Variants in ZNF10 observed in about 807,000 individuals in gnomAD.
ZNF10 encodes the protein zinc finger protein 10 (KOX 1).
ZNF10 carries 8 observed loss-of-function variants against 12.2 expected under a neutral mutation model. The ratio of observed to expected loss-of-function variants is 0.66; its 90% CI spans 0.39 to 1.18. The LOEUF (loss-of-function observed/expected upper bound fraction) is 1.18, where lower values mean the gene tolerates loss of function less well. ZNF10 is among the 50% of genes most tolerant of loss of function. ZNF10 has a pLI of 0.01. For synonymous variants in ZNF10, 229 were observed against 228.2 expected, an observed-to-expected ratio of 1.00 and a Z score of -0.03; for missense variants, 603 against 678.9, an observed-to-expected ratio of 0.89 and a Z score of 1.24.
intron 4 of ZNF10, 39 bp from the exon 5 acceptor site, chr12:133,155,464 A>G (rs1956033203): frequency 1.3e-6 from 2 of 1,541,402 alleles, no homozygotes; most frequent in African/African-American, 2.8e-5. Context: ...TCACCTTAAT[A>G]CTCTGTTTAG....
intron 1 of ZNF10, 43 bp from the exon 2 acceptor site, chr12:133,144,391 C>A: frequency 2.4e-6 from 3 of 1,271,628 alleles, no homozygotes; most frequent in Non-Finnish European, 3.4e-6. Flanking sequence ...AGGGAGCCTC[C>A]CAGTCATAGC....
At chr12:133,147,706 C>T (rs558854701) in intron 2 of ZNF10, among the ~76,000 whole-genome samples, 13 of 149,736 alleles carry the variant, frequency 8.7e-5, no homozygotes, top group African/African-American at 3.2e-4. Flanking sequence ...TTTGCCTTCT[C>T]CCGGATTCAA....
chr12:133,141,494 G>A (rs1955944037), intron 1 of ZNF10, among the ~76,000 whole-genome samples: 1 of 152,024 alleles, frequency 6.6e-6, no homozygotes, highest in East Asian at 1.9e-4. Context: ...GGTAAGTACA[G>A]CAATAGAAAG....
intron 2 of ZNF10, among the ~76,000 whole-genome samples, chr12:133,149,950 T>C (rs979319619): frequency 1.7e-4 from 26 of 152,202 alleles, no homozygotes; most frequent in Non-Finnish European, 3.7e-4. Flanking sequence ...CACTTAGAGT[T>C]AATTTTTACT....
chr12:133,139,490 A>C (rs1429994050), intron 1 of ZNF10, among the ~76,000 whole-genome samples: 1 of 152,200 alleles, frequency 6.6e-6, no homozygotes, highest in Non-Finnish European at 1.5e-5. Flanking sequence ...GACTTAGTCC[A>C]TTTTTCTATA....
chr12:133,132,041 T>C (rs2137635015), intron 1 of ZNF10, among the ~76,000 whole-genome samples: 1 of 152,284 alleles, frequency 6.6e-6, no homozygotes, highest in East Asian at 1.9e-4. Context: ...GAAAAGGAAA[T>C]ATATAAGCTA....
intron 2 of ZNF10, 89 bp from the exon 3 acceptor site, chr12:133,150,939 C>G (rs903103104): frequency 1.9e-5 from 29 of 1,495,736 alleles, no homozygotes; most frequent in Non-Finnish European, 2.4e-5. Flanking sequence ...CCAGTGCTGT[C>G]AGCTTAATTT....
chr12:133,143,657 T>C (rs1044926414), intron 1 of ZNF10: 1 of 152,318 alleles, frequency 6.6e-6, no homozygotes, highest in South Asian at 2.1e-4. Flanking sequence ...ATATTTAAAT[T>C]ATCTTTAAAA....
chr12:133,151,780 C>T, intron 3 of ZNF10, 29 bp from the exon 4 acceptor site: 2 of 1,588,088 alleles, frequency 1.3e-6, no homozygotes, highest in South Asian at 1.1e-5. Flanking sequence ...CTGACTCTTA[C>T]CCTGTTCTTT....
Position 133,156,873 on chromosome 12 carries a change from C to T in ZNF10, c.1627C>T (p.Gln543Ter), listed in dbSNP as rs1956045943. 1 of 1,519,918 alleles carries T rather than the reference C, an allele frequency of 6.6e-7. No homozygotes were observed. The highest frequency in any genetic ancestry group is 8.8e-7 in the Non-Finnish European group (1 of 1,136,598). The allele number at this position is 1,519,918 out of a possible 1,614,324, so 94.2% of individuals were successfully genotyped here. The change falls in exon 5 of 5, where the codon CAG becomes TAG. Residue 543 changes from glutamine to a stop codon, truncating the protein, a stop_gained. Transcript: ENST00000248211. LOFTEE classifies it low-confidence loss of function (END_TRUNC). ...TCATCAAATAGCTCACACTGGAGAGCAGTTCTTAACATGCAATCAATGTGG... is the reference window on the plus strand; with the variant it reads ...TCATCAAATAGCTCACACTGGAGAGTAGTTCTTAACATGCAATCAATGTGG... ...IVHQIAHTGE[Q>*]FLTCNQCGTA...
Position 133,156,755 on chromosome 12 carries a change from C to A in ZNF10, c.1509C>A (p.Asp503Glu). 6.2e-7 allele frequency: 1 copy of A among 1,601,842 alleles called. No homozygotes were observed. The highest frequency in any genetic ancestry group is 2.2e-5 in the East Asian group (1 of 44,816). Residue 503 changes from aspartate (D) to glutamate (E), a missense_variant, in exon 5 of 5, where the codon GAC becomes GAA. Around this residue, in one of 3 missense-constraint regions of ZNF10, gnomAD observed 204 missense variants for 262.8 expected, o/e 0.78. Transcript: ENST00000248211. The part of the protein sequence containing the change: ...QCGKAFIRKN[D>E]LIKHQRIHVG... ...GGAAAGCCTTCATCCGGAAGAATGA[C>A]CTCATTAAGCACCAGAGAATTCATG...
intron 2 of ZNF10, among the ~76,000 whole-genome samples, chr12:133,147,203 C>T (rs1955981528): frequency 6.6e-6 from 1 of 152,084 alleles, no homozygotes; most frequent in Admixed American, 6.5e-5. Flanking sequence ...TAAATAAAGC[C>T]CTTTCTCAGG....
chr12:133,146,140 G>A lies in ZNF10; in HGVS notation c.33+1615G>A, dbSNP rs1224074469. Among the ~76,000 whole-genome samples, 5 of 152,306 alleles carry A rather than the reference G, an allele frequency of 3.3e-5. No individual in the cohort carries two copies. The South Asian group carries it at 1.0e-3, about 32-fold the overall frequency. On this transcript the variant is annotated intron_variant, in intron 2 of 4. Transcript: ENST00000248211. ...TCAGTAATACGAGAATGAGGTGGGAGCAGAGTGTCATCACCATTAGGCCTG... is the reference window on the plus strand; with the variant it reads ...TCAGTAATACGAGAATGAGGTGGGAACAGAGTGTCATCACCATTAGGCCTG...
rs59083992 is a variant in ZNF10 at position 133,140,428 on chromosome 12, CT to C, written c.-59-3988del. 2.6e-3 allele frequency among the ~76,000 whole-genome samples: 326 copies of C among 123,398 alleles called. 1 individual carries two copies. The highest frequency in any genetic ancestry group is 4.7e-3 in the Admixed American group (58 of 12,288). 81.0% of individuals were successfully genotyped at this position (123,398 alleles called of 152,430 possible). A position where few individuals can be genotyped will look rare whatever the true frequency, so the allele number is the denominator to read the frequency against. On this transcript the variant is annotated intron_variant, in intron 1 of 4. Transcript: ENST00000248211. ...CTTGTGTTACTGGGTCACTAGACGT[CT>C]TTTTTTTTTTTTTTTTTAAATAAGT...
chr12:133,138,840 A>G (rs1032642537), intron 1 of ZNF10, among the ~76,000 whole-genome samples: 5 of 152,152 alleles, frequency 3.3e-5, no homozygotes, highest in Non-Finnish European at 5.9e-5. Context: ...TGTCTGGTGT[A>G]AAAAGGGATG....
chr12:133,138,068 C>T (rs1955922887), intron 1 of ZNF10, among the ~76,000 whole-genome samples: 1 of 152,052 alleles, frequency 6.6e-6, no homozygotes, highest in East Asian at 1.9e-4. Context: ...ATCCTTAATC[C>T]CTTCTCAGAT....
At chr12:133,155,090 AGAG>A (rs1442951565) in intron 4 of ZNF10, among the ~76,000 whole-genome samples, 2 of 151,378 alleles carry the variant, frequency 1.3e-5, no homozygotes, top group African/African-American at 4.9e-5. Context: ...AAAAAAAAAA[AGAG>A]AGAGAATACT....
At chr12:133,144,758 G>C in intron 2 of ZNF10, 1 of 504,744 alleles carries the variant, frequency 2.0e-6, no homozygotes, top group Admixed American at 3.2e-5. Flanking sequence ...TAGAATAGTA[G>C]TGGAAAATAT....
chr12:133,142,957 A>T (rs137884952), intron 1 of ZNF10, among the ~76,000 whole-genome samples: 2 of 152,232 alleles, frequency 1.3e-5, no homozygotes, highest in African/African-American at 4.8e-5. Flanking sequence ...GTGTTCATCA[A>T]CAGATGAGTG....
Sources: allele counts gnomAD v4.1 joint callset (sites outside exome capture counted in the v4.1 genomes callset), GRCh38; gene constraint gnomAD v4.1.1; regional missense constraint gnomAD v4.1.1; transcripts MANE v1.5; gene names NCBI Gene and HGNC (gene_info 2026-07-23, HGNC 2026-07-21).